The following MPPED1 variants were observed in gnomAD, a reference collection of about 807,000 sequenced individuals.
MPPED1 encodes the protein metallophosphoesterase domain-containing protein 1.
Under a neutral mutation model 36.2 loss-of-function variants are expected in MPPED1, and 16 were observed. The observed-to-expected ratio is 0.44, with a 90% CI of 0.30 to 0.67. MPPED1 has a LOEUF of 0.67. Ranked by LOEUF, MPPED1 falls within the 30% of genes least tolerant of loss-of-function variation. The probability of loss-of-function intolerance (pLI) is 0.10; values close to 1 mark genes in which losing one functional copy is unlikely to be tolerated. For synonymous variants in MPPED1, 199 were observed against 191.3 expected, an observed-to-expected ratio of 1.04 and a Z score of -0.33; for missense variants, 307 against 453.4, an observed-to-expected ratio of 0.68 and a Z score of 2.93.
intron 2 of MPPED1, among the ~76,000 whole-genome samples, chr22:43,429,069 C>A (rs562798693): frequency 6.6e-6 from 1 of 152,302 alleles, no homozygotes; most frequent in Admixed American, 6.5e-5. Flanking sequence ...CAGGCTGCAC[C>A]GGGTCCTTGA....
intron 4 of MPPED1, among the ~76,000 whole-genome samples, chr22:43,497,000 G>A (rs1602020831): frequency 6.9e-6 from 1 of 144,176 alleles, no homozygotes; most frequent in Non-Finnish European, 1.5e-5. Context: ...GGTGGAGGTG[G>A]TGGTGGTGGA....
rs186230794 is a variant in MPPED1 at position 43,479,629 on chromosome 22, C to G, written c.632+4668C>G. ...CCTAGTGCCCTTCCAGCCCCTTCCC[C>G]TTTACAGGGCCACAGTTCCTCTGCC... On this transcript the variant is annotated intron_variant, in intron 4 of 6. Transcript: ENST00000443721. Among the ~76,000 whole-genome samples, 261 of 152,366 alleles carry G rather than the reference C, an allele frequency of 1.7e-3. 2 individuals are homozygous for G. Among genetic ancestry groups the G allele is most frequent in the African/African-American group, 5.9e-3 (246 of 41,592 alleles).
Position 43,440,909 on chromosome 22 carries a change from C to T in MPPED1, c.406+5694C>T, listed in dbSNP as rs116582541. Among the ~76,000 whole-genome samples, 926 of 152,242 alleles carry T rather than the reference C, an allele frequency of 6.1e-3. 17 individuals carry two copies. Among genetic ancestry groups the T allele is most frequent in the African/African-American group, 0.021 (879 of 41,556 alleles). On this transcript the variant is annotated intron_variant, in intron 3 of 6. Transcript: ENST00000443721. Reference sequence around the variant, plus strand: ...TCCATGTGGCCTCCCTCTCCAGGGCCCTTTTCCATCTCCTCCTTTTGTTCC... The same window carrying T: ...TCCATGTGGCCTCCCTCTCCAGGGCTCTTTTCCATCTCCTCCTTTTGTTCC...
intron 1 of MPPED1, among the ~76,000 whole-genome samples, chr22:43,421,800 T>C (rs933042943): frequency 2.0e-5 from 3 of 152,158 alleles, no homozygotes; most frequent in African/African-American, 7.2e-5. Context: ...GGCCGTGGGG[T>C]GATCATGTTA....
At chr22:43,463,867 CTT>C (rs1194517913) in intron 3 of MPPED1, among the ~76,000 whole-genome samples, 4 of 98,358 alleles carry the variant, frequency 4.1e-5, no homozygotes, top group Non-Finnish European at 8.8e-5. Flanking sequence ...TTCTTTCTTT[CTT>C]TCTTTCTCTT....
At chr22:43,448,035 C>T (rs1429856852) in intron 3 of MPPED1, among the ~76,000 whole-genome samples, 12 of 151,360 alleles carry the variant, frequency 7.9e-5, no homozygotes, top group South Asian at 6.3e-4. Flanking sequence ...CCCACCACCA[C>T]GCCTGGCTAA....
intron 4 of MPPED1, among the ~76,000 whole-genome samples, chr22:43,493,873 G>A (rs967294437): frequency 1.3e-5 from 2 of 152,138 alleles, no homozygotes; most frequent in Non-Finnish European, 2.9e-5. Context: ...GATGGCAATT[G>A]CATTACTATG....
At chr22:43,492,990 C>G (rs1173656503) in intron 4 of MPPED1, among the ~76,000 whole-genome samples, 2 of 152,180 alleles carry the variant, frequency 1.3e-5, no homozygotes, top group Non-Finnish European at 2.9e-5. Context: ...CCCCTCTCAC[C>G]CACCATCATT....
At chr22:43,472,849 G>C (rs759072464) in intron 3 of MPPED1, among the ~76,000 whole-genome samples, 2 of 152,290 alleles carry the variant, frequency 1.3e-5, no homozygotes, top group African/African-American at 4.8e-5. Flanking sequence ...CTTATAACGG[G>C]GCACTGGACC....
chr22:43,495,385 GGTGGTA>G (rs1932239835), intron 4 of MPPED1, among the ~76,000 whole-genome samples: 1 of 150,796 alleles, frequency 6.6e-6, no homozygotes, highest in African/African-American at 2.4e-5. Context: ...TGGTGATGGT[GGTGGTA>G]GTGATGGAGG....
intron 4 of MPPED1, among the ~76,000 whole-genome samples, chr22:43,491,030 T>C (rs1208506505): frequency 2.6e-5 from 4 of 152,222 alleles, no homozygotes; most frequent in Admixed American, 6.5e-5. Flanking sequence ...GGGTGGCTAA[T>C]TAAATAGAAA....
intron 4 of MPPED1, among the ~76,000 whole-genome samples, chr22:43,480,273 C>T (rs8143131): frequency 0.37 from 55,744 of 151,974 alleles, 10,905 homozygotes; most frequent in East Asian, 0.62. Flanking sequence ...CCTATAACTA[C>T]TGGGGGCAGG....
intron 1 of MPPED1, among the ~76,000 whole-genome samples, chr22:43,412,554 C>T (rs1928938951): frequency 1.3e-5 from 2 of 152,138 alleles, no homozygotes; most frequent in African/African-American, 4.8e-5. Flanking sequence ...GCTGCCAAGC[C>T]CCTGCTGGCA....
intron 3 of MPPED1, among the ~76,000 whole-genome samples, chr22:43,459,835 C>T (rs578096231): frequency 2.6e-5 from 4 of 152,180 alleles, no homozygotes; most frequent in South Asian, 4.2e-4. Flanking sequence ...TCCGCAAGGA[C>T]GATTTCTATT....
At chr22:43,427,248 A>G (rs1929509948) in intron 2 of MPPED1, among the ~76,000 whole-genome samples, 4 of 152,178 alleles carry the variant, frequency 2.6e-5, no homozygotes, top group Admixed American at 2.6e-4. Flanking sequence ...GGAAAGAGGA[A>G]GACAGAGAGT....
intron 3 of MPPED1, among the ~76,000 whole-genome samples, chr22:43,440,452 C>A (rs1930111711): frequency 6.6e-6 from 1 of 152,128 alleles, no homozygotes; most frequent in Non-Finnish European, 1.5e-5. Context: ...CCAGAAGCAC[C>A]CTCCTCCCAG....
Position 43,417,709 on chromosome 22 carries a change from C to T in MPPED1, c.-79+5551C>T, listed in dbSNP as rs1601942224. 2.0e-5 allele frequency: 4 copies of T among 197,022 alleles called. 1 individual carries two copies. Among genetic ancestry groups the T allele is most frequent in the South Asian group, 1.8e-4 (2 of 11,294 alleles). The allele number at this position is 197,022 out of a possible 1,614,324, so 12.2% of individuals were successfully genotyped here. A position where few individuals can be genotyped will look rare whatever the true frequency, so the allele number is the denominator to read the frequency against. The stretch of plus-strand genomic sequence containing the variant: ...TTCTCTGTGACATTTCGCCACATTG[C>T]AACAAAAGCCCTAGTAAGCACTGCC... On this transcript the variant is annotated intron_variant, in intron 1 of 6. Transcript: ENST00000443721.
intron 6 of MPPED1, among the ~76,000 whole-genome samples, chr22:43,504,313 GTGA>G (rs1486343882): frequency 9.9e-5 from 15 of 152,054 alleles, no homozygotes; most frequent in African/African-American, 3.6e-4. Flanking sequence ...GGTGTTGGTG[GTGA>G]TGATCATGAT....
At chr22:43,415,338 A>C (rs1929043868) in intron 1 of MPPED1, among the ~76,000 whole-genome samples, 1 of 151,852 alleles carries the variant, frequency 6.6e-6, no homozygotes, top group South Asian at 2.1e-4. Context: ...TTCTCAGTTA[A>C]TTTGATTCAC....
Sources: allele counts gnomAD v4.1 joint callset (sites outside exome capture counted in the v4.1 genomes callset), GRCh38; gene constraint gnomAD v4.1.1; transcripts MANE v1.5; gene names NCBI Gene and HGNC (gene_info 2026-07-23, HGNC 2026-07-21).